FCRL1: variants seen among roughly 807,000 people sequenced by gnomAD.
FCRL1 encodes Fc receptor like 1, also known as Fc receptor-like protein 1.
A neutral mutation model predicts 49.2 loss-of-function variants in FCRL1; 34 were observed. The observed-to-expected ratio is 0.69, with a 90% CI of 0.53 to 0.92. FCRL1 has a LOEUF of 0.92. FCRL1 is among the 40% of genes least tolerant of loss of function. The pLI is 0.00. For missense variants in FCRL1, 524 were observed against 524.1 expected, an observed-to-expected ratio of 1.00 and a Z score of 0.00; for synonymous variants, 218 against 201.6, an observed-to-expected ratio of 1.08 and a Z score of -0.69.
At position 157,798,143 on chromosome 1, in the gene FCRL1, C is replaced by A; in HGVS notation, c.1114+18G>T. 1 of 1,605,538 alleles carries A rather than the reference C, an allele frequency of 6.2e-7. No individual in the cohort carries two copies. Among genetic ancestry groups the A allele is most frequent in the Non-Finnish European group, 8.5e-7 (1 of 1,174,898 alleles). Reference sequence around the variant, plus strand: ...CTTGCTGTACCATCGTTGGCCTGGGCCATTTGGGAAGGCTCACCATTTTCA... The same window carrying A: ...CTTGCTGTACCATCGTTGGCCTGGGACATTTGGGAAGGCTCACCATTTTCA... On this transcript the variant is annotated intron_variant, in intron 8 of 10. Coordinates refer to ENST00000368176, the MANE Select transcript of FCRL1 (RefSeq NM_052938.5).
intron 1 of FCRL1, among the ~76,000 whole-genome samples, chr1:157,816,298 C>CAGAT: frequency 6.6e-6 from 1 of 151,982 alleles, no homozygotes; most frequent in Middle Eastern, 3.4e-3. Context: ...GTTCAACATG[C>CAGAT]AGATCAATAG....
intron 5 of FCRL1, 110 bp from the exon 6 acceptor site, chr1:157,801,687 T>G (rs1054133707): frequency 5.5e-6 from 5 of 905,882 alleles, no homozygotes; most frequent in Non-Finnish European, 6.9e-6. Flanking sequence ...AAGTGGGGAT[T>G]TATTTATTTG....
At chr1:157,801,257 T>C (rs922072013) in intron 6 of FCRL1, among the ~76,000 whole-genome samples, 1 of 152,188 alleles carries the variant, frequency 6.6e-6, no homozygotes, top group Non-Finnish European at 1.5e-5. Context: ...CCTCAACTGA[T>C]AGCACATGAG....
rs1274748506 is a variant in FCRL1, at chr1:157,807,139, C to T, written c.32-17G>A. 6.2e-7 allele frequency: 1 copy of T among 1,613,634 alleles called. No homozygotes were observed. Among genetic ancestry groups the T allele is most frequent in the African/African-American group, 1.3e-5 (1 of 75,032 alleles). ...AGAGTGGAGCTGGGAGAGAATTCAG[C>T]AGAGATCAGTACAGAGCAGCAAATC... On this transcript the variant is annotated splice_polypyrimidine_tract_variant and intron_variant, in intron 1 of 10. Coordinates refer to ENST00000368176, the MANE Select transcript of FCRL1 (RefSeq NM_052938.5).
At chr1:157,813,013 T>A (rs561428274) in intron 1 of FCRL1, among the ~76,000 whole-genome samples, 1 of 152,286 alleles carries the variant, frequency 6.6e-6, no homozygotes, top group South Asian at 2.1e-4. Flanking sequence ...CTGAAGAAGT[T>A]ACACAGAGAC....
intron 5 of FCRL1, 89 bp from the exon 6 acceptor site, chr1:157,801,666 T>C (rs1652497463): frequency 4.1e-6 from 4 of 975,562 alleles, no homozygotes; most frequent in Non-Finnish European, 6.3e-6. Flanking sequence ...GTGCCCAAGG[T>C]CTGCTCTTCC....
At chr1:157,813,316 TATAAG>T (rs1289307535) in intron 1 of FCRL1, among the ~76,000 whole-genome samples, 1 of 152,218 alleles carries the variant, frequency 6.6e-6, no homozygotes, top group African/African-American at 2.4e-5. Flanking sequence ...GAAACTCACT[TATAAG>T]AGAATACAGA....
intron 2 of FCRL1, 161 bp from the exon 3 acceptor site, chr1:157,804,272 T>G: frequency 1.3e-6 from 1 of 771,752 alleles, no homozygotes; most frequent in Non-Finnish European, 2.0e-6. Context: ...CCCATGGGCT[T>G]TCCTTTGCCA....
intron 2 of FCRL1, chr1:157,806,539 T>C (rs1161115371): frequency 6.6e-6 from 1 of 151,896 alleles, no homozygotes; most frequent in African/African-American, 2.4e-5. Flanking sequence ...TAAACCAGAG[T>C]CCGAAAGAGA....
intron 2 of FCRL1, among the ~76,000 whole-genome samples, chr1:157,804,685 C>T (rs80024106): frequency 1.1e-3 from 166 of 152,204 alleles, no homozygotes; most frequent in Non-Finnish European, 1.5e-3. Flanking sequence ...CCTATTATTG[C>T]TATTTCTATT....
At chr1:157,816,534 G>A (rs556530845) in intron 1 of FCRL1, among the ~76,000 whole-genome samples, 42 of 151,848 alleles carry the variant, frequency 2.8e-4, no homozygotes, top group Non-Finnish European at 4.9e-4. Context: ...TCTAGAACAA[G>A]ACAAAGATGC....
chr1:157,801,537 G>T lies in FCRL1; in HGVS notation c.927C>A (p.Val309=). 1 of 1,613,980 alleles carries T rather than the reference G, an allele frequency of 6.2e-7. No homozygotes were observed. Among genetic ancestry groups the T allele is most frequent in the Non-Finnish European group, 8.5e-7 (1 of 1,179,938 alleles). ...GARSNHLTSG[V]IEGLLSTLGP... is the part of the protein sequence containing the mutation. ...CAAGGGTGCTGAGCAGCCCCTCAATGACTCCTGAGGTAAGATGATTGCTTC... is the reference window on the plus strand; with the variant it reads ...CAAGGGTGCTGAGCAGCCCCTCAATTACTCCTGAGGTAAGATGATTGCTTC... The change falls in exon 6 of 11, where the codon GTC becomes GTA. Residue 309 remains valine (V), a synonymous_variant. Coordinates refer to ENST00000368176, the MANE Select transcript of FCRL1 (RefSeq NM_052938.5).
intron 1 of FCRL1, among the ~76,000 whole-genome samples, chr1:157,809,366 G>A (rs1051423396): frequency 6.6e-6 from 1 of 151,584 alleles, no homozygotes; most frequent in African/African-American, 2.4e-5. Flanking sequence ...GATAAGCCTG[G>A]GTGGCAAAAA....
intron 1 of FCRL1, among the ~76,000 whole-genome samples, chr1:157,817,359 C>T (rs949414995): frequency 2.0e-5 from 3 of 151,890 alleles, no homozygotes; most frequent in African/African-American, 4.8e-5. Flanking sequence ...ATAGAGAGCC[C>T]GGAAATAAAT....
At chr1:157,803,797 A>G (rs752013237) in intron 3 of FCRL1, 48 bp downstream of exon 3, 2 of 1,593,606 alleles carry the variant, frequency 1.3e-6, no homozygotes, top group Non-Finnish European at 1.7e-6. Context: ...GCCTCTTGCC[A>G]CTGCCCTTCT....
In FCRL1 at chr1:157,820,052, G is replaced by T. The variant is rs760636500; in HGVS notation, c.-15C>A. 6.2e-6 allele frequency: 10 copies of T among 1,613,918 alleles called. No homozygotes were observed. In the Admixed American group the frequency reaches 1.7e-4, roughly 27 times the overall value. On this transcript the variant is annotated 5_prime_UTR_variant, in exon 1 of 11. Transcript: ENST00000368176. ...CTCGGCAGCATGAGGACCAGGTCAG[G>T]GATGGTACCTAGAGATGCCTCTCAT... is the stretch of plus-strand genomic sequence containing the variant.
At chr1:157,814,510 T>G (rs1429959707) in intron 1 of FCRL1, among the ~76,000 whole-genome samples, 4 of 151,456 alleles carry the variant, frequency 2.6e-5, no homozygotes, top group Non-Finnish European at 5.9e-5. Flanking sequence ...CTACAAAAAA[T>G]CCACCAAAAC....
At chr1:157,817,068 A>C (rs1428248122) in intron 1 of FCRL1, among the ~76,000 whole-genome samples, 1 of 147,480 alleles carries the variant, frequency 6.8e-6, no homozygotes, top group South Asian at 2.1e-4. Flanking sequence ...TACTGTTAAA[A>C]TGTCAATACT....
At chr1:157,807,161 A>C in intron 1 of FCRL1, 39 bp from the exon 2 acceptor site, 1 of 1,601,104 alleles carries the variant, frequency 6.2e-7, no homozygotes, top group Non-Finnish European at 8.5e-7. Context: ...CAGAGCAGCA[A>C]ATCCCACAAA....
Sources: allele counts gnomAD v4.1 joint callset (sites outside exome capture counted in the v4.1 genomes callset), GRCh38; gene constraint gnomAD v4.1.1; transcripts MANE v1.5; gene names NCBI Gene and HGNC (gene_info 2026-07-23, HGNC 2026-07-21).